TMEM132D: variants seen among roughly 807,000 people sequenced by gnomAD.
TMEM132D encodes mature OL transmembrane protein.
A neutral mutation model predicts 62.3 loss-of-function variants in TMEM132D; 21 were observed. That is an observed-to-expected ratio of 0.34 (90% CI 0.24 to 0.49). The LOEUF (loss-of-function observed/expected upper bound fraction) is 0.49, where lower values mean the gene tolerates loss of function less well. TMEM132D is among the 20% of genes least tolerant of loss of function. The pLI, the probability that TMEM132D is intolerant of heterozygous loss-of-function variation, is 0.99. For missense variants in TMEM132D, 1,346 were observed against 1,402.8 expected, an observed-to-expected ratio of 0.96 and a Z score of 0.65; for synonymous variants, 621 against 575.6, an observed-to-expected ratio of 1.08 and a Z score of -1.13.
chr12:129,535,891 T>C (rs1429331856), intron 2 of TMEM132D, among the ~76,000 whole-genome samples: 1 of 151,756 alleles, frequency 6.6e-6, no homozygotes, highest in African/African-American at 2.4e-5. Flanking sequence ...TATATAGAGT[T>C]CAAAGCCCAA....
intron 2 of TMEM132D, among the ~76,000 whole-genome samples, chr12:129,649,832 G>A (rs1879878365): frequency 1.3e-5 from 2 of 151,294 alleles, no homozygotes; most frequent in African/African-American, 2.4e-5. Context: ...ATGTGCGTAT[G>A]TGCATGTATT....
intron 2 of TMEM132D, among the ~76,000 whole-genome samples, chr12:129,676,944 G>A (rs562009795): frequency 1.1e-4 from 17 of 152,028 alleles, no homozygotes; most frequent in Admixed American, 4.6e-4. Flanking sequence ...CCCGCCTTTT[G>A]CACTTCACTT....
rs144655404 is a variant in TMEM132D at position 129,243,066 on chromosome 12, C to T, written c.1300-33403G>A. Among the ~76,000 whole-genome samples the T allele has an allele frequency of 7.3e-3, 1,105 of 152,288 alleles. 14 individuals carry two copies. The highest frequency in any genetic ancestry group is 0.025 in the African/African-American group (1,054 of 41,556). The stretch of plus-strand genomic sequence containing the variant: ...ATAGCTTCATAATGCTGTTAAAAAC[C>T]AGTGGTTGGAGTTAGCTCTCCAACA... On this transcript the variant is annotated intron_variant, in intron 4 of 8. Transcript: ENST00000422113.
rs1165106932 is a variant in TMEM132D at position 129,436,325 on chromosome 12, T to C, written c.1115+94734A>G. 2.6e-5 allele frequency among the ~76,000 whole-genome samples: 4 copies of C among 152,224 alleles called. No individual in the cohort carries two copies. The East Asian group carries it at 7.7e-4, about 29-fold the overall frequency. On this transcript the variant is annotated intron_variant, in intron 3 of 8. Coordinates refer to ENST00000422113, the MANE Select transcript of TMEM132D (RefSeq NM_133448.3). ...GTTATTTGGGTTTTCTGATACATGG[T>C]GTCAAAACTAATCATAGCTACCGCA...
intron 2 of TMEM132D, among the ~76,000 whole-genome samples, chr12:129,590,905 G>A (rs149915243): frequency 1.7e-3 from 256 of 152,220 alleles, no homozygotes; most frequent in African/African-American, 5.7e-3. Flanking sequence ...TCCATTGAAC[G>A]GACCACCAGC....
intron 3 of TMEM132D, among the ~76,000 whole-genome samples, chr12:129,433,274 G>A (rs547267662): frequency 1.1e-4 from 17 of 152,234 alleles, no homozygotes; most frequent in African/African-American, 4.1e-4. Flanking sequence ...TATATATATA[G>A]AAGTAAAATT....
intron 1 of TMEM132D, among the ~76,000 whole-genome samples, chr12:129,864,933 T>A (rs1371253812): frequency 6.6e-6 from 1 of 152,112 alleles, no homozygotes; most frequent in Non-Finnish European, 1.5e-5. Flanking sequence ...GCAAGATGGG[T>A]CCACAGAAGT....
chr12:129,466,833 C>T (rs1394355389), intron 3 of TMEM132D, among the ~76,000 whole-genome samples: 4 of 152,180 alleles, frequency 2.6e-5, no homozygotes. Context: ...AGCTCATCTT[C>T]ATCCTTCAAC....
At position 129,215,859 on chromosome 12, in the gene TMEM132D, A is replaced by G. The variant is rs528704936; in HGVS notation, c.1300-6196T>C. On this transcript the variant is annotated intron_variant, in intron 4 of 8. Coordinates refer to ENST00000422113, the MANE Select transcript of TMEM132D (RefSeq NM_133448.3). ...GTCTTACATGGCGTGGGGCAAAGAG[A>G]GAAGGAGAGCCAAGTGAAAGGGGAA... 2.0e-5 allele frequency among the ~76,000 whole-genome samples: 3 copies of G among 152,210 alleles called. No homozygotes were observed. The East Asian group carries it at 5.8e-4, about 29-fold the overall frequency.
At chr12:129,555,699 C>T (rs1201670754) in intron 2 of TMEM132D, among the ~76,000 whole-genome samples, 2 of 152,176 alleles carry the variant, frequency 1.3e-5, no homozygotes, top group African/African-American at 4.8e-5. Flanking sequence ...TGCTAATTCA[C>T]CACATATCCT....
intron 4 of TMEM132D, among the ~76,000 whole-genome samples, chr12:129,290,024 T>C (rs1439782041): frequency 6.6e-6 from 1 of 152,254 alleles, no homozygotes; most frequent in Admixed American, 6.5e-5. Flanking sequence ...TATTTATTAA[T>C]AGGTTCATAT....
chr12:129,194,374 G>T (rs1280069621), intron 5 of TMEM132D, among the ~76,000 whole-genome samples: 1 of 152,140 alleles, frequency 6.6e-6, no homozygotes, highest in African/African-American at 2.4e-5. Flanking sequence ...TCCAAATAAT[G>T]CATGTTCTCA....
chr12:129,633,395 G>A (rs1565930226), intron 2 of TMEM132D, among the ~76,000 whole-genome samples: 3 of 152,132 alleles, frequency 2.0e-5, no homozygotes, highest in Non-Finnish European at 4.4e-5. Flanking sequence ...GGCCATAGTA[G>A]GTAGAAAACC....
In TMEM132D at chr12:129,072,891, A is replaced by C. The variant is rs1874118722; in HGVS notation, c.*984T>G. 1 of 152,212 alleles carries C rather than the reference A, an allele frequency of 6.6e-6. No individual in the cohort carries two copies. 9.4% of individuals were successfully genotyped at this position (152,212 alleles called of 1,614,324 possible). ...CATGCCTAGAGACCAGCCTCTTCAA[A>C]GACGGACGGCGTGGGACATATGCCC... On this transcript the variant is annotated 3_prime_UTR_variant, in exon 9 of 9. Coordinates refer to ENST00000422113, the MANE Select transcript of TMEM132D (RefSeq NM_133448.3).
At chr12:129,553,517 A>G (rs893886257) in intron 2 of TMEM132D, among the ~76,000 whole-genome samples, 3 of 152,200 alleles carry the variant, frequency 2.0e-5, no homozygotes, top group African/African-American at 7.2e-5. Context: ...GGTGGGATGG[A>G]AAATGTTTTG....
intron 2 of TMEM132D, among the ~76,000 whole-genome samples, chr12:129,655,145 C>T (rs961625147): frequency 1.8e-4 from 27 of 151,792 alleles, no homozygotes; most frequent in African/African-American, 6.5e-4. Flanking sequence ...GATGGGGTTT[C>T]ACCATGTTGG....
At chr12:129,343,661 C>G (rs1390135994) in intron 3 of TMEM132D, among the ~76,000 whole-genome samples, 2 of 151,710 alleles carry the variant, frequency 1.3e-5, no homozygotes, top group Non-Finnish European at 2.9e-5. Context: ...CCTGTAATCC[C>G]AGCACTTTGG....
At chr12:129,704,907 AATC>A (rs3046728) in intron 1 of TMEM132D, among the ~76,000 whole-genome samples, 5,389 of 152,312 alleles carry the variant, frequency 0.035, 258 homozygotes, top group African/African-American at 0.099. Flanking sequence ...CGGAGCTCAC[AATC>A]ATCAAGAAAA....
chr12:129,519,488 T>G (rs1344082040), intron 3 of TMEM132D, among the ~76,000 whole-genome samples: 1 of 152,228 alleles, frequency 6.6e-6, no homozygotes, highest in Non-Finnish European at 1.5e-5. Flanking sequence ...TCAATATAGC[T>G]GCATTCCTCA....
Sources: gnomAD v4.1 joint callset for allele counts (sites outside exome capture counted in the v4.1 genomes callset) on GRCh38, gnomAD v4.1.1 for gene constraint, MANE v1.5 for transcripts, NCBI Gene and HGNC (gene_info 2026-07-23, HGNC 2026-07-21) for gene names.